Variants in EZH2 observed in about 807,000 individuals in gnomAD.
The protein encoded by EZH2 is histone-lysine N-methyltransferase EZH2.
In EZH2, 18 loss-of-function variants were observed where a neutral mutation model predicts 98.4. That is an observed-to-expected ratio of 0.18 (90% CI 0.13 to 0.27). The LOEUF is 0.27. Ranked by LOEUF, EZH2 falls within the 10% of genes least tolerant of loss-of-function variation. The pLI, the probability that EZH2 is intolerant of heterozygous loss-of-function variation, is 1.00. For synonymous variants in EZH2, 338 were observed against 312.3 expected (o/e 1.08, Z -0.87); for missense variants, 470 against 935.1 (o/e 0.50, Z 6.49).
chr7:148,883,068 G>C (rs977150734), intron 1 of EZH2: 1 of 152,166 alleles, frequency 6.6e-6, no homozygotes, highest in African/African-American at 2.4e-5. Flanking sequence ...TCGGGATTTG[G>C]GGAATAATCT....
intron 1 of EZH2, among the ~76,000 whole-genome samples, chr7:148,882,024 T>G (rs1563084201): frequency 6.6e-6 from 1 of 151,262 alleles, no homozygotes; most frequent in Non-Finnish European, 1.5e-5. Context: ...ATATCCGAAT[T>G]TCTGCCAAAA....
intron 1 of EZH2, among the ~76,000 whole-genome samples, chr7:148,868,777 A>G (rs1818908406): frequency 6.6e-6 from 1 of 152,166 alleles, no homozygotes; most frequent in Admixed American, 6.5e-5. Flanking sequence ...AGAGAATAAG[A>G]GAATATCTCA....
intron 1 of EZH2, among the ~76,000 whole-genome samples, chr7:148,861,088 A>G (rs1360896285): frequency 2.0e-5 from 3 of 152,166 alleles, no homozygotes; most frequent in African/African-American, 7.2e-5. Flanking sequence ...CTCATCTCTT[A>G]TATAAAATGG....
chr7:148,814,804 C>T (rs527568486), intron 14 of EZH2, 110 bp downstream of exon 14: 19 of 1,309,058 alleles, frequency 1.5e-5, no homozygotes, highest in East Asian at 1.2e-4. Flanking sequence ...TGATGAGTTT[C>T]GTCAAGTAAA....
intron 1 of EZH2, among the ~76,000 whole-genome samples, chr7:148,848,690 T>C (rs555375865): frequency 4.6e-5 from 7 of 152,290 alleles, no homozygotes; most frequent in Non-Finnish European, 4.4e-5. Context: ...AAGCAGTGTA[T>C]ACGAACTTGA....
chr7:148,864,525 A>G (rs1288587977), intron 1 of EZH2, among the ~76,000 whole-genome samples: 3 of 151,992 alleles, frequency 2.0e-5, no homozygotes, highest in African/African-American at 7.2e-5. Flanking sequence ...TCTACTAAAA[A>G]TACAAATTAG....
At chr7:148,819,343 C>G (rs1018650352) in intron 9 of EZH2, among the ~76,000 whole-genome samples, 2 of 152,126 alleles carry the variant, frequency 1.3e-5, no homozygotes, top group African/African-American at 4.8e-5. Flanking sequence ...GCATAAAAGT[C>G]CTTGATCCTA....
intron 8 of EZH2, among the ~76,000 whole-genome samples, chr7:148,822,254 A>T (rs1438163326): frequency 1.3e-5 from 2 of 152,192 alleles, no homozygotes; most frequent in African/African-American, 4.8e-5. Flanking sequence ...TCACACCTGT[A>T]ATCTCAGCAC....
At chr7:148,863,605 T>C (rs568119055) in intron 1 of EZH2, among the ~76,000 whole-genome samples, 26 of 152,208 alleles carry the variant, frequency 1.7e-4, no homozygotes, top group Non-Finnish European at 3.4e-4. Flanking sequence ...CCTACCACCA[T>C]AAAAGATAAA....
At chr7:148,823,636 T>C (rs1211386232) in intron 8 of EZH2, among the ~76,000 whole-genome samples, 1 of 151,674 alleles carries the variant, frequency 6.6e-6, no homozygotes, top group Non-Finnish European at 1.5e-5. Flanking sequence ...GAGACTTTAT[T>C]GTACACATTT....
intron 1 of EZH2, among the ~76,000 whole-genome samples, chr7:148,859,077 GCATT>G (rs1249171880): frequency 5.9e-5 from 9 of 152,318 alleles, no homozygotes; most frequent in South Asian, 2.1e-4. Flanking sequence ...GGGTTAATAT[GCATT>G]CATTAAGTCA....
At chr7:148,837,580 T>C (rs540608707) in intron 3 of EZH2, among the ~76,000 whole-genome samples, 12 of 152,276 alleles carry the variant, frequency 7.9e-5, no homozygotes, top group African/African-American at 2.4e-4. Flanking sequence ...AAGTAAGTAC[T>C]GAAGAAAAAC....
In EZH2 at chr7:148,811,741, A is replaced by G. The variant is rs2072407; in HGVS notation, c.1852-21T>C. ...AGATGCTAGAGAATAAAACACAATC[A>G]CATCATCAAAAAAGGAGGGTGAAAA... is the stretch of plus-strand genomic sequence containing the variant. On this transcript the variant is annotated intron_variant, in intron 15 of 19. Transcript: ENST00000320356. 1,063,694 of 1,595,956 alleles carry G rather than the reference A, an allele frequency of 0.67. 355,656 individuals carry two copies. Among genetic ancestry groups the G allele is most frequent in the Admixed American group, 0.73 (43,451 of 59,736 alleles).
chr7:148,866,613 T>C (rs1378741311), intron 1 of EZH2, among the ~76,000 whole-genome samples: 4 of 140,650 alleles, frequency 2.8e-5, no homozygotes, highest in African/African-American at 7.6e-5. Context: ...TTATATATAA[T>C]ATATATGCAT....
At chr7:148,815,649 C>T (rs1177217033) in intron 12 of EZH2, 103 bp from the exon 13 acceptor site, 9 of 1,046,148 alleles carry the variant, frequency 8.6e-6, no homozygotes, top group South Asian at 6.5e-5. Context: ...TACAGGAATG[C>T]GTTAAAGCCA....
At chr7:148,883,725 G>A (rs1356734827) in intron 1 of EZH2, among the ~76,000 whole-genome samples, 1 of 151,784 alleles carries the variant, frequency 6.6e-6, no homozygotes, top group Non-Finnish European at 1.5e-5. Flanking sequence ...TCGGCGGCTG[G>A]GTCCCACCAA....
chr7:148,817,534 C>T (rs1804887171), intron 10 of EZH2, 143 bp from the exon 11 acceptor site: 2 of 776,940 alleles, frequency 2.6e-6, no homozygotes, highest in African/African-American at 3.5e-5. Flanking sequence ...TCGTAGTTCA[C>T]ATTTTCCAAC....
chr7:148,878,749 A>G (rs1175684892), intron 1 of EZH2, among the ~76,000 whole-genome samples: 2 of 151,964 alleles, frequency 1.3e-5, no homozygotes, highest in African/African-American at 4.8e-5. Flanking sequence ...AAATACAAAA[A>G]TTAGCCAGGC....
intron 11 of EZH2, 76 bp from the exon 12 acceptor site, chr7:148,816,854 GA>G: frequency 9.6e-7 from 1 of 1,044,762 alleles, no homozygotes. Flanking sequence ...ATGCATACCA[GA>G]AAAATGTCTT....
Sources: allele counts gnomAD v4.1 joint callset (sites outside exome capture counted in the v4.1 genomes callset), GRCh38; gene constraint gnomAD v4.1.1; transcripts MANE v1.5; gene names NCBI Gene and HGNC (gene_info 2026-07-23, HGNC 2026-07-21).